Variants in DLG2 observed in about 807,000 individuals in gnomAD.
The protein encoded by DLG2 is disks large homolog 2.
In DLG2, 45 loss-of-function variants were observed where a neutral mutation model predicts 132.5. The ratio of observed to expected loss-of-function variants is 0.34; its 90% CI spans 0.27 to 0.44. The LOEUF (loss-of-function observed/expected upper bound fraction) is 0.44, where lower values mean the gene tolerates loss of function less well. DLG2 is among the 20% of genes least tolerant of loss of function. DLG2 has a pLI of 1.00. For synonymous variants in DLG2, 424 were observed against 419.6 expected (o/e 1.01, Z -0.13); for missense variants, 1,045 against 1,196.9 (o/e 0.87, Z 1.87).
At chr11:83,791,210 G>T in intron 17 of DLG2, 1 of 641,190 alleles carries the variant, frequency 1.6e-6, no homozygotes, top group East Asian at 2.6e-5. Context: ...GGCCTTATCG[G>T]CCTCTGAGCT....
chr11:84,037,962 C>CT (rs1269802746), intron 11 of DLG2, among the ~76,000 whole-genome samples: 1 of 151,894 alleles, frequency 6.6e-6, no homozygotes, highest in Non-Finnish European at 1.5e-5. Context: ...TTTGTGTTTT[C>CT]TTTTTTTCCT....
At chr11:83,848,283 T>C (rs940215482) in intron 16 of DLG2, among the ~76,000 whole-genome samples, 1 of 152,192 alleles carries the variant, frequency 6.6e-6, no homozygotes, top group Non-Finnish European at 1.5e-5. Flanking sequence ...GTCTAGTGCC[T>C]GGTACAGATT....
At chr11:85,430,743 A>T (rs138481139) in intron 3 of DLG2, among the ~76,000 whole-genome samples, 61 of 152,192 alleles carry the variant, frequency 4.0e-4, no homozygotes, top group Admixed American at 6.5e-4. Flanking sequence ...GATGCAACTG[A>T]AGCTAGTTTT....
At chr11:83,920,000 C>T (rs992267145) in intron 15 of DLG2, among the ~76,000 whole-genome samples, 5 of 152,136 alleles carry the variant, frequency 3.3e-5, no homozygotes, top group East Asian at 1.9e-4. Context: ...CACTTGGTCA[C>T]GGGGATGAGT....
intron 4 of DLG2, among the ~76,000 whole-genome samples, chr11:85,176,370 T>C (rs2079244017): frequency 6.6e-6 from 1 of 152,168 alleles, no homozygotes; most frequent in African/African-American, 2.4e-5. Context: ...GGGAAAGGTT[T>C]CCCTATTTAA....
chr11:85,170,208 G>A lies in DLG2; in HGVS notation c.187-15557C>T, dbSNP rs74963459. Among the ~76,000 whole-genome samples the A allele has an allele frequency of 5.6e-3, 854 of 152,290 alleles. 7 individuals are homozygous for A. The highest frequency in any genetic ancestry group is 0.019 in the African/African-American group (777 of 41,564). The stretch of plus-strand genomic sequence containing the variant: ...AACATGACTGGACAAAAAGGGGTAT[G>A]ATCTAATGGTAATAGACTGGAGGGA... On this transcript the variant is annotated intron_variant, in intron 4 of 27. Transcript: ENST00000376104.
In DLG2 at chr11:85,224,068, A is replaced by G. The variant is rs533246468; in HGVS notation, c.186+61152T>C. On this transcript the variant is annotated intron_variant, in intron 4 of 27. Coordinates refer to ENST00000376104, the MANE Select transcript of DLG2 (RefSeq NM_001142699.3). ...AGTGGGAATAATTTTATTACCTACC[A>G]CTTAGTTTTATTCTGATTATTAAAT... Among the ~76,000 whole-genome samples, 27 of 152,300 alleles carry G rather than the reference A, an allele frequency of 1.8e-4. No individual in the cohort carries two copies. The South Asian group carries it at 5.2e-3, about 29-fold the overall frequency.
At chr11:85,355,084 G>A (rs1240515894) in intron 3 of DLG2, among the ~76,000 whole-genome samples, 1 of 151,832 alleles carries the variant, frequency 6.6e-6, no homozygotes, top group Admixed American at 6.6e-5. Flanking sequence ...AATAAATCAG[G>A]CTTTAATGTT....
chr11:85,622,234 A>G (rs1290160371), intron 2 of DLG2, among the ~76,000 whole-genome samples: 1 of 152,218 alleles, frequency 6.6e-6, no homozygotes, highest in Non-Finnish European at 1.5e-5. Flanking sequence ...TATATACTGT[A>G]CTGTATACAA....
At chr11:84,081,895 T>C (rs1303595404) in intron 10 of DLG2, among the ~76,000 whole-genome samples, 2 of 152,304 alleles carry the variant, frequency 1.3e-5, no homozygotes, top group Middle Eastern at 3.4e-3. Flanking sequence ...AATCACCACA[T>C]TGTCTTCCAC....
chr11:85,254,729 G>C (rs571382550), intron 4 of DLG2, among the ~76,000 whole-genome samples: 3 of 152,224 alleles, frequency 2.0e-5, no homozygotes, highest in Non-Finnish European at 4.4e-5. Flanking sequence ...GGCTGGGCGT[G>C]GTGGCTCACG....
intron 11 of DLG2, among the ~76,000 whole-genome samples, chr11:84,052,268 A>C (rs1171506335): frequency 6.6e-6 from 1 of 151,924 alleles, no homozygotes; most frequent in Non-Finnish European, 1.5e-5. Flanking sequence ...GTGCATATAC[A>C]CATAACATAA....
intron 3 of DLG2, among the ~76,000 whole-genome samples, chr11:85,443,393 T>G (rs1565498502): frequency 6.6e-6 from 1 of 152,218 alleles, no homozygotes; most frequent in East Asian, 1.9e-4. Flanking sequence ...GCTGTGTAAT[T>G]GTCAAGTCGC....
intron 6 of DLG2, among the ~76,000 whole-genome samples, chr11:85,048,523 G>T (rs934905108): frequency 1.2e-4 from 18 of 151,896 alleles, no homozygotes; most frequent in Admixed American, 5.3e-4. Context: ...AGAGAAATGT[G>T]AGAAATAACC....
intron 5 of DLG2, among the ~76,000 whole-genome samples, chr11:85,133,401 T>C (rs1387776678): frequency 2.6e-5 from 4 of 152,136 alleles, no homozygotes; most frequent in Non-Finnish European, 5.9e-5. Flanking sequence ...TCGAAAGATA[T>C]GACTGAAAAG....
chr11:84,881,156 T>C (rs570240219), intron 6 of DLG2, among the ~76,000 whole-genome samples: 129 of 152,244 alleles, frequency 8.5e-4, no homozygotes, highest in Admixed American at 1.6e-3. Context: ...AGTAAGTGCC[T>C]GCTGATCAGA....
intron 14 of DLG2, among the ~76,000 whole-genome samples, chr11:83,942,393 A>T (rs2082859784): frequency 1.3e-5 from 2 of 152,284 alleles, no homozygotes; most frequent in Middle Eastern, 6.8e-3. Flanking sequence ...AAAAATATTA[A>T]GTACGATCCC....
At position 83,519,885 on chromosome 11, in the gene DLG2, C is replaced by T. The variant is rs190383390; in HGVS notation, c.2193+12823G>A. ...TCTGACTGTCATTTGGGCTTAGACT[C>T]CACTTCACCTAGAGCCATTAGACTT... On this transcript the variant is annotated intron_variant, in intron 21 of 27. Coordinates refer to ENST00000376104, the MANE Select transcript of DLG2 (RefSeq NM_001142699.3). Among the ~76,000 whole-genome samples, 22 of 152,272 alleles carry T rather than the reference C, an allele frequency of 1.4e-4. No homozygotes were observed. In the East Asian group the frequency reaches 4.1e-3, roughly 28 times the overall value.
intron 3 of DLG2, among the ~76,000 whole-genome samples, chr11:85,369,305 T>A (rs541098746): frequency 6.6e-6 from 1 of 152,200 alleles, no homozygotes; most frequent in South Asian, 2.1e-4. Flanking sequence ...CACAGCAGCC[T>A]TCCCTTTCCC....
Sources: gnomAD v4.1 joint callset for allele counts (sites outside exome capture counted in the v4.1 genomes callset) on GRCh38, gnomAD v4.1.1 for gene constraint, MANE v1.5 for transcripts, NCBI Gene and HGNC (gene_info 2026-07-23, HGNC 2026-07-21) for gene names.